Variants in ARL15 observed in about 807,000 individuals in gnomAD.
The protein encoded by ARL15 is ARF like GTPase 15.
ARL15 carries 19 observed loss-of-function variants against 25.2 expected under a neutral mutation model. The observed-to-expected ratio is 0.75, with a 90% CI of 0.53 to 1.10. The LOEUF is 1.10. Among genes scored for constraint, ARL15 ranks in the 50% least tolerant of loss-of-function variants. ARL15 has a pLI of 0.00. For missense variants in ARL15, 220 were observed against 246.0 expected (o/e 0.89, Z 0.71); for synonymous variants, 94 against 86.8 (o/e 1.08, Z -0.46).
intron 4 of ARL15, among the ~76,000 whole-genome samples, chr5:53,922,234 G>A (rs1745878340): frequency 6.6e-6 from 1 of 152,110 alleles, no homozygotes. Flanking sequence ...TCTACATTCA[G>A]TTCCGTTTAG....
intron 4 of ARL15, among the ~76,000 whole-genome samples, chr5:53,956,560 A>G (rs1190401046): frequency 1.3e-5 from 2 of 151,838 alleles, no homozygotes; most frequent in Non-Finnish European, 2.9e-5. Context: ...ACTTACAGAT[A>G]AAGACTTTAA....
At chr5:54,128,400 C>T (rs1753325743) in intron 3 of ARL15, among the ~76,000 whole-genome samples, 1 of 152,110 alleles carries the variant, frequency 6.6e-6, no homozygotes, top group East Asian at 1.9e-4. Flanking sequence ...TTTTAGGTAG[C>T]TAATATAGGA....
chr5:54,238,426 G>A (rs1338799083), intron 1 of ARL15, among the ~76,000 whole-genome samples: 1 of 152,150 alleles, frequency 6.6e-6, no homozygotes, highest in Non-Finnish European at 1.5e-5. Context: ...TGAGGAAGCC[G>A]ACGGTGAGTG....
intron 1 of ARL15, among the ~76,000 whole-genome samples, chr5:54,214,013 C>CA (rs1233088503): frequency 6.6e-6 from 1 of 151,640 alleles, no homozygotes. Context: ...TAAAACAGGC[C>CA]AAAATAGCAG....
At chr5:54,140,614 G>A (rs141122699) in intron 3 of ARL15, among the ~76,000 whole-genome samples, 29 of 152,270 alleles carry the variant, frequency 1.9e-4, no homozygotes, top group East Asian at 5.8e-4. Context: ...TGTTTTACCC[G>A]CTTGGCATAT....
intron 1 of ARL15, among the ~76,000 whole-genome samples, chr5:54,293,361 C>T (rs371373361): frequency 9.2e-5 from 14 of 152,104 alleles, no homozygotes; most frequent in African/African-American, 2.7e-4. Flanking sequence ...TAATAATAAA[C>T]GTGTAAGTAA....
intron 1 of ARL15, among the ~76,000 whole-genome samples, chr5:54,280,869 AT>A (rs1173753608): frequency 6.6e-6 from 1 of 152,146 alleles, no homozygotes; most frequent in Non-Finnish European, 1.5e-5. Context: ...TTATCACTTA[AT>A]CTGATTAGAA....
At chr5:53,993,356 T>C (rs1748569131) in intron 4 of ARL15, among the ~76,000 whole-genome samples, 1 of 152,056 alleles carries the variant, frequency 6.6e-6, no homozygotes, top group Admixed American at 6.6e-5. Flanking sequence ...GTGCCTGTAA[T>C]CCTAGCCTTT....
chr5:54,103,402 A>T (rs1752498623), intron 4 of ARL15, among the ~76,000 whole-genome samples: 1 of 152,090 alleles, frequency 6.6e-6, no homozygotes, highest in Non-Finnish European at 1.5e-5. Flanking sequence ...TTCACTCAAA[A>T]CTACTAGATA....
chr5:53,949,914 G>A (rs1746888103), intron 4 of ARL15, among the ~76,000 whole-genome samples: 1 of 152,150 alleles, frequency 6.6e-6, no homozygotes, highest in Non-Finnish European at 1.5e-5. Context: ...ACTAACAAAT[G>A]CATATGAAGA....
At chr5:54,051,955 A>C (rs1455929483) in intron 4 of ARL15, among the ~76,000 whole-genome samples, 28 of 152,240 alleles carry the variant, frequency 1.8e-4, no homozygotes. Flanking sequence ...AATATTATTC[A>C]TTGATAAAAA....
At chr5:53,970,486 AAG>A (rs3839225) in intron 4 of ARL15, among the ~76,000 whole-genome samples, 5 of 151,294 alleles carry the variant, frequency 3.3e-5, no homozygotes, top group Admixed American at 1.3e-4. Flanking sequence ...ATGAGTGAGA[AAG>A]AGAGAGAGAG....
chr5:54,097,646 C>T (rs183765939), intron 4 of ARL15, among the ~76,000 whole-genome samples: 19 of 152,240 alleles, frequency 1.2e-4, no homozygotes, highest in Admixed American at 1.0e-3. Context: ...CCTATAATAA[C>T]ATTTAAGCTT....
chr5:53,930,512 T>C (rs147292661), intron 4 of ARL15, among the ~76,000 whole-genome samples: 1 of 152,322 alleles, frequency 6.6e-6, no homozygotes, highest in African/African-American at 2.4e-5. Flanking sequence ...AAAATAGACA[T>C]CACTTCTCCT....
intron 4 of ARL15, among the ~76,000 whole-genome samples, chr5:53,952,356 T>G (rs1036719099): frequency 6.6e-6 from 1 of 152,216 alleles, no homozygotes; most frequent in Admixed American, 6.5e-5. Flanking sequence ...CTTTTTAGTT[T>G]CTTATGTTAA....
Position 54,069,895 on chromosome 5 carries a change from G to A in ARL15, c.462+43307C>T, listed in dbSNP as rs1006930828. On this transcript the variant is annotated intron_variant, in intron 4 of 4. Coordinates refer to ENST00000504924, the MANE Select transcript of ARL15 (RefSeq NM_019087.3). ...TCACCACCTTGGCCAGGCTGTTCTC[G>A]AAATCCTGACCTCAAGAGATCCACC... 4.6e-5 allele frequency among the ~76,000 whole-genome samples: 7 copies of A among 151,400 alleles called. No individual in the cohort carries two copies. In the East Asian group the frequency reaches 1.4e-3, roughly 31 times the overall value.
Position 54,171,931 on chromosome 5 carries a change from G to T in ARL15, c.49-3C>A, listed in dbSNP as rs1464739340. 6.2e-7 allele frequency: 1 copy of T among 1,605,470 alleles called. No individual in the cohort carries two copies. The highest frequency in any genetic ancestry group is 2.2e-5 in the East Asian group (1 of 44,638). On this transcript the variant is annotated splice_region_variant and splice_polypyrimidine_tract_variant and intron_variant, in intron 1 of 4. Transcript: ENST00000504924. Reference sequence around the variant, plus strand: ...TTGCAGCAAAGTGCTCTAAAACACTGCCAAAAGAAGGGGAAAAAAATGTTC... The same window carrying T: ...TTGCAGCAAAGTGCTCTAAAACACTTCCAAAAGAAGGGGAAAAAAATGTTC...
At chr5:54,048,794 G>C (rs1750612411) in intron 4 of ARL15, among the ~76,000 whole-genome samples, 1 of 127,872 alleles carries the variant, frequency 7.8e-6, no homozygotes, top group Non-Finnish European at 1.6e-5. Context: ...CTATGCTATA[G>C]GAAAAAAAAA....
chr5:54,161,180 T>C (rs1326427606), intron 2 of ARL15, among the ~76,000 whole-genome samples: 1 of 152,188 alleles, frequency 6.6e-6, no homozygotes, highest in Non-Finnish European at 1.5e-5. Context: ...ACTCCCTTGT[T>C]GTATGGCATT....
Sources: allele counts gnomAD v4.1 joint callset (sites outside exome capture counted in the v4.1 genomes callset), GRCh38; gene constraint gnomAD v4.1.1; transcripts MANE v1.5; gene names NCBI Gene and HGNC (gene_info 2026-07-23, HGNC 2026-07-21).